Variants in CADPS observed in about 807,000 individuals in gnomAD.
CADPS encodes the protein calcium-dependent secretion activator 1.
A neutral mutation model predicts 167.3 loss-of-function variants in CADPS; 57 were observed. The ratio of observed to expected loss-of-function variants is 0.34; its 90% CI spans 0.28 to 0.42. The LOEUF (loss-of-function observed/expected upper bound fraction) is 0.42. CADPS is among the 20% of genes least tolerant of loss of function. CADPS has a pLI of 1.00. For missense variants in CADPS, 1,414 were observed against 1,738.1 expected, an observed-to-expected ratio of 0.81 and a Z score of 3.32; for synonymous variants, 676 against 635.3, an observed-to-expected ratio of 1.06 and a Z score of -0.96.
chr3:62,440,806 C>G (rs2056173411), intron 27 of CADPS: 1 of 152,154 alleles, frequency 6.6e-6, no homozygotes, highest in South Asian at 2.1e-4. Context: ...GAGGAGGCTG[C>G]CCAACTGCAA....
intron 3 of CADPS, among the ~76,000 whole-genome samples, chr3:62,666,391 C>T (rs1303144316): frequency 6.6e-6 from 1 of 152,092 alleles, no homozygotes; most frequent in East Asian, 1.9e-4. Flanking sequence ...AAGTAATTAC[C>T]TTTTCAAGGG....
intron 1 of CADPS, among the ~76,000 whole-genome samples, chr3:62,847,135 T>C (rs1037350843): frequency 6.6e-6 from 1 of 152,194 alleles, no homozygotes; most frequent in Non-Finnish European, 1.5e-5. Flanking sequence ...AGGACGTTAG[T>C]AGTTTTGATG....
chr3:62,426,113 A>G (rs1467752986), intron 28 of CADPS, among the ~76,000 whole-genome samples: 26 of 152,096 alleles, frequency 1.7e-4, no homozygotes, highest in Admixed American at 1.7e-3. Flanking sequence ...TGCAAAGCCT[A>G]CCTTAGTATT....
intron 3 of CADPS, among the ~76,000 whole-genome samples, chr3:62,674,008 T>C (rs761428321): frequency 6.6e-6 from 1 of 152,160 alleles, no homozygotes; most frequent in Non-Finnish European, 1.5e-5. Flanking sequence ...TGCTCTTTAT[T>C]TTAAGAAGAA....
At chr3:62,529,076 G>A (rs1237429365) in intron 13 of CADPS, among the ~76,000 whole-genome samples, 1 of 152,076 alleles carries the variant, frequency 6.6e-6, no homozygotes, top group East Asian at 1.9e-4. Context: ...CAGGAGAATC[G>A]CTTGAGCTCA....
chr3:62,694,149 A>G (rs949774231), intron 3 of CADPS, among the ~76,000 whole-genome samples: 3 of 152,130 alleles, frequency 2.0e-5, no homozygotes, highest in African/African-American at 7.2e-5. Flanking sequence ...AGCTAAGGCC[A>G]CTGCTGACTG....
intron 24 of CADPS, 42 bp from the exon 25 acceptor site, chr3:62,466,455 G>T: frequency 7.9e-7 from 1 of 1,261,854 alleles, no homozygotes; most frequent in South Asian, 1.2e-5. Flanking sequence ...TTTGGGAGGT[G>T]ATGGCACTGC....
chr3:62,711,440 A>G (rs2083375400), intron 3 of CADPS, among the ~76,000 whole-genome samples: 1 of 152,210 alleles, frequency 6.6e-6, no homozygotes, highest in Non-Finnish European at 1.5e-5. Context: ...ATGCAATTTG[A>G]TTTTCAGTTG....
chr3:62,474,037 A>G (rs757200145), intron 24 of CADPS, 136 bp downstream of exon 24: 6 of 602,098 alleles, frequency 1.0e-5, no homozygotes, highest in Non-Finnish European at 8.3e-6. Flanking sequence ...ACACTCATCC[A>G]TGGCTTAATC....
intron 28 of CADPS, among the ~76,000 whole-genome samples, chr3:62,425,809 G>GAC (rs1242614409): frequency 6.6e-6 from 1 of 152,130 alleles, no homozygotes; most frequent in Non-Finnish European, 1.5e-5. Flanking sequence ...GTAAGTCAGG[G>GAC]ACACTCCCAA....
At chr3:62,505,781 T>C (rs1447780183) in intron 17 of CADPS, among the ~76,000 whole-genome samples, 1 of 152,182 alleles carries the variant, frequency 6.6e-6, no homozygotes, top group African/African-American at 2.4e-5. Flanking sequence ...AATAGGAAAT[T>C]ATATACATTT....
intron 9 of CADPS, 27 bp from the exon 10 acceptor site, chr3:62,557,540 T>C (rs1007836404): frequency 1.2e-5 from 19 of 1,557,812 alleles, no homozygotes; most frequent in Admixed American, 1.7e-5. Flanking sequence ...GATTGTGAGG[T>C]TGACCCCTGG....
chr3:62,873,348 T>G lies in CADPS; in HGVS notation c.441+1241A>C, dbSNP rs1046046065. On this transcript the variant is annotated intron_variant, in intron 1 of 29. Transcript: ENST00000383710. ...TTCTTAAATGGCAGCAACTGAAAGA[T>G]TCACTATTTTCAGACACTAGTCTCA... 9.2e-5 allele frequency among the ~76,000 whole-genome samples: 14 copies of G among 152,332 alleles called. 1 individual carries two copies. Among genetic ancestry groups the G allele is most frequent in the South Asian group, 8.3e-4 (4 of 4,824 alleles).
intron 3 of CADPS, among the ~76,000 whole-genome samples, chr3:62,705,332 C>T (rs1391351537): frequency 6.6e-6 from 1 of 152,112 alleles, no homozygotes; most frequent in Non-Finnish European, 1.5e-5. Context: ...CCACAGATAT[C>T]CATCTCTTCC....
intron 1 of CADPS, among the ~76,000 whole-genome samples, chr3:62,832,143 G>C (rs955401294): frequency 6.6e-6 from 1 of 152,190 alleles, no homozygotes; most frequent in South Asian, 2.1e-4. Context: ...CAACACAGGA[G>C]GGTGAGAGTA....
At chr3:62,666,576 C>T (rs915161642) in intron 3 of CADPS, among the ~76,000 whole-genome samples, 2 of 152,104 alleles carry the variant, frequency 1.3e-5, no homozygotes. Flanking sequence ...GGCTCTTTAC[C>T]TAATTAGACA....
intron 1 of CADPS, among the ~76,000 whole-genome samples, chr3:62,862,216 GGTT>G (rs1399708039): frequency 6.8e-6 from 1 of 146,718 alleles, no homozygotes; most frequent in South Asian, 2.2e-4. Flanking sequence ...TGAAAACAGT[GGTT>G]TTTTTTTTTT....
intron 28 of CADPS, among the ~76,000 whole-genome samples, chr3:62,416,216 A>G (rs1290968623): frequency 6.6e-6 from 1 of 152,198 alleles, no homozygotes; most frequent in Non-Finnish European, 1.5e-5. Flanking sequence ...AAAACTGACT[A>G]CAAGACATTA....
intron 9 of CADPS, among the ~76,000 whole-genome samples, chr3:62,562,349 A>G (rs56211619): frequency 0.025 from 3,848 of 152,314 alleles, 76 homozygotes; most frequent in Middle Eastern, 0.051. Flanking sequence ...AATAGATTTT[A>G]GAGTCATGCA....
Sources: allele counts gnomAD v4.1 joint callset (sites outside exome capture counted in the v4.1 genomes callset), GRCh38; gene constraint gnomAD v4.1.1; transcripts MANE v1.5; gene names NCBI Gene and HGNC (gene_info 2026-07-23, HGNC 2026-07-21).